The following NT5DC4 variants were observed in gnomAD, a reference collection of about 807,000 sequenced individuals.
The protein encoded by NT5DC4 is 5'-nucleotidase domain-containing protein 4.
Under a neutral mutation model 26.6 loss-of-function variants are expected in NT5DC4, and 44 were observed. That is an observed-to-expected ratio of 1.65 (90% CI 1.30 to 2.13). The LOEUF is 2.13. NT5DC4 is among the 30% of genes most tolerant of loss of function. The pLI is 0.00. For synonymous variants in NT5DC4, 157 were observed against 86.7 expected, an observed-to-expected ratio of 1.81 and a Z score of -4.51; for missense variants, 399 against 228.1, an observed-to-expected ratio of 1.75 and a Z score of -4.83.
chr2:112,738,680 G>C (rs986283856), intron 16 of NT5DC4: 11 of 625,674 alleles, frequency 1.8e-5, no homozygotes, highest in Non-Finnish European at 3.1e-5. Context: ...AAATTTGAGA[G>C]TAAGCCCAGT....
chr2:112,721,535 A>G, intron 1 of NT5DC4: 1 of 717,910 alleles, frequency 1.4e-6, no homozygotes, highest in Non-Finnish European at 2.6e-6. Context: ...GATGCCTATA[A>G]CATGCCTGCA....
At chr2:112,729,488 G>T in intron 15 of NT5DC4, 139 bp from the exon 16 acceptor site, 1 of 634,230 alleles carries the variant, frequency 1.6e-6, no homozygotes. Flanking sequence ...CTGACCTTCC[G>T]AGGTTCCTTC....
intron 16 of NT5DC4, chr2:112,731,559 G>A (rs1678485800): frequency 6.6e-6 from 1 of 152,156 alleles, no homozygotes; most frequent in Non-Finnish European, 1.5e-5. Flanking sequence ...TAGCCCAAAT[G>A]TCTTTGAGTT....
At position 112,724,774 on chromosome 2, in the gene NT5DC4, C is replaced by A; in HGVS notation, c.790-7C>A. 1.4e-6 allele frequency: 1 copy of A among 716,916 alleles called. No individual in the cohort carries two copies. The highest frequency in any genetic ancestry group is 2.6e-6 in the Non-Finnish European group (1 of 384,934). The allele number at this position is 716,916 out of a possible 1,614,324, so 44.4% of individuals were successfully genotyped here. On this transcript the variant is annotated splice_polypyrimidine_tract_variant and splice_region_variant and intron_variant, in intron 10 of 16. Transcript: ENST00000688554. ...GTGTGTGTGCAGCCCGTGTGCACCC[C>A]CAACAGGCTGAAGCCTCGGGCAGGC... is the stretch of plus-strand genomic sequence containing the variant.
At chr2:112,719,674 T>TG (rs1381525174), upstream of NT5DC4, among the ~76,000 whole-genome samples, 1 of 151,832 alleles carries the variant, frequency 6.6e-6, no homozygotes, top group Non-Finnish European at 1.5e-5. Context: ...TTAGTAGAGA[T>TG]GGGGTTTCAC....
At chr2:112,723,197 C>CT (rs767229583) in intron 7 of NT5DC4, 23 bp downstream of exon 7, 5 of 717,282 alleles carry the variant, frequency 7.0e-6, no homozygotes, top group Non-Finnish European at 1.0e-5. Flanking sequence ...TCCAGAACCC[C>CT]CGGACCCCTG....
chr2:112,742,771 T>TGGAA (rs745636964), downstream of NT5DC4: 28 of 1,603,188 alleles, frequency 1.7e-5, no homozygotes, highest in Admixed American at 3.5e-5. Flanking sequence ...TTGTATTGGC[T>TGGAA]GGAAGGAAGG....
intron 14 of NT5DC4, 118 bp downstream of exon 14, chr2:112,726,407 GT>G: frequency 5.8e-6 from 4 of 686,668 alleles, no homozygotes; most frequent in Non-Finnish European, 8.1e-6. Context: ...ATCAAGATCT[GT>G]TTCAGGCTGG....
At chr2:112,722,860 C>T (rs1677103052) in intron 6 of NT5DC4, 89 bp downstream of exon 6, 1 of 294,478 alleles carries the variant, frequency 3.4e-6, no homozygotes, top group Non-Finnish European at 6.9e-6. Flanking sequence ...CAAGGGCTCC[C>T]CAAGAGGCTG....
chr2:112,730,769 G>A (rs996114426), intron 16 of NT5DC4, among the ~76,000 whole-genome samples: 1 of 152,194 alleles, frequency 6.6e-6, no homozygotes, highest in Non-Finnish European at 1.5e-5. Context: ...CACCTCCTGT[G>A]TGCCGGGCAG....
Position 112,722,001 on chromosome 2 carries a change from C to T in NT5DC4, c.164C>T (p.Ala55Val). The change falls in exon 3 of 17, where the codon GCT (alanine) becomes GTT (valine). Residue 55 changes from alanine to valine, a missense_variant. By Grantham distance (64) the Ala-to-Val change is moderately conservative (BLOSUM62 0). Transcript: ENST00000688554. ...DYTLAAYKSP[A>V]YEALTFELLL... ...GCCTCTGCAGCCTACAAGTCCCCAG[C>T]TTATGAGGCCCTGACCTTCGAGCTG... is the stretch of plus-strand genomic sequence containing the variant. 1.4e-6 allele frequency: 1 copy of T among 717,306 alleles called. No homozygotes were observed. Among genetic ancestry groups the T allele is most frequent in the East Asian group, 2.7e-5 (1 of 37,296 alleles). The allele number at this position is 717,306 out of a possible 1,614,324, so 44.4% of individuals were successfully genotyped here.
chr2:112,722,121 G>A lies in NT5DC4; in HGVS notation c.266+18G>A. On this transcript the variant is annotated intron_variant, in intron 3 of 16. Coordinates refer to ENST00000688554, the MANE Select transcript of NT5DC4 (RefSeq NM_001393655.1). ...CCCACCAGGTGTGTGGCTCAGGACA[G>A]GTGGGAGGCCACCCGGCCTTGGTAC... 1 of 716,090 alleles carries A rather than the reference G, an allele frequency of 1.4e-6. No homozygotes were observed. The highest frequency in any genetic ancestry group is 1.5e-5 in the South Asian group (1 of 67,546). 44.4% of individuals were successfully genotyped at this position (716,090 alleles called of 1,614,324 possible).
chr2:112,723,075 C>A lies in NT5DC4; in HGVS notation c.528-6C>A. 1 of 713,450 alleles carries A rather than the reference C, an allele frequency of 1.4e-6. No homozygotes were observed. The highest frequency in any genetic ancestry group is 2.7e-5 in the East Asian group (1 of 37,246). The allele number at this position is 713,450 out of a possible 1,614,324, so 44.2% of individuals were successfully genotyped here. A position where few individuals can be genotyped will look rare whatever the true frequency, so the allele number is the denominator to read the frequency against. On this transcript the variant is annotated splice_region_variant and splice_polypyrimidine_tract_variant and intron_variant, in intron 6 of 16. Coordinates refer to ENST00000688554, the MANE Select transcript of NT5DC4 (RefSeq NM_001393655.1). ...GGCCTCCCCGTCCCCTCTTTGCCTG[C>A]CCCAGTTGTGACACCGGCTATCAGC...
upstream of NT5DC4, among the ~76,000 whole-genome samples, chr2:112,720,454 G>C (rs1181417713): frequency 6.6e-6 from 1 of 152,130 alleles, no homozygotes; most frequent in Non-Finnish European, 1.5e-5. Context: ...CACATGCTTG[G>C]TTGTGGAGCC....
At chr2:112,727,068 A>G in intron 15 of NT5DC4, 1 of 360,498 alleles carries the variant, frequency 2.8e-6, no homozygotes, top group Non-Finnish European at 5.3e-6. Flanking sequence ...CTGATAGGAA[A>G]TGTGATTTAG....
intron 8 of NT5DC4, 55 bp downstream of exon 8, chr2:112,723,523 C>G (rs1225162054): frequency 2.8e-6 from 2 of 711,524 alleles, no homozygotes. Flanking sequence ...AGCAGGGCTG[C>G]CCCCGCAACC....
At position 112,721,800 on chromosome 2, in the gene NT5DC4, C is replaced by T. The variant is rs972293071; in HGVS notation, c.75-18C>T. On this transcript the variant is annotated intron_variant, in intron 1 of 16. Transcript: ENST00000688554. ...GGGGCTGGTGGACTGATGCCAACATCCTCCTCTCTCTCCCCAGGATTTTTG... is the reference window on the plus strand; with the variant it reads ...GGGGCTGGTGGACTGATGCCAACATTCTCCTCTCTCTCCCCAGGATTTTTG... 5.6e-6 allele frequency: 4 copies of T among 717,132 alleles called. No individual in the cohort carries two copies. Among genetic ancestry groups the T allele is most frequent in the African/African-American group, 1.7e-5 (1 of 57,266 alleles). The allele number at this position is 717,132 out of a possible 1,614,324, so 44.4% of individuals were successfully genotyped here. A position where few individuals can be genotyped will look rare whatever the true frequency, so the allele number is the denominator to read the frequency against.
intron 7 of NT5DC4, 56 bp downstream of exon 7, chr2:112,723,230 G>C: frequency 4.2e-6 from 3 of 716,766 alleles, no homozygotes; most frequent in South Asian, 3.0e-5. Context: ...TTGGTTCCCC[G>C]GGCAGCCTTC....
At chr2:112,719,992 C>CT (rs1228966753), upstream of NT5DC4, among the ~76,000 whole-genome samples, 138 of 60,270 alleles carry the variant, frequency 2.3e-3, no homozygotes, top group Middle Eastern at 0.011. Context: ...CTTTCTTTTT[C>CT]TTTTCTTTTC....
Sources: gnomAD v4.1 joint callset for allele counts (sites outside exome capture counted in the v4.1 genomes callset) on GRCh38, gnomAD v4.1.1 for gene constraint, MANE v1.5 for transcripts, NCBI Gene and HGNC (gene_info 2026-07-23, HGNC 2026-07-21) for gene names.